Variants in PTPN20 observed in about 807,000 individuals in gnomAD.
PTPN20 encodes tyrosine-protein phosphatase non-receptor type 20.
Under a neutral mutation model 35.0 loss-of-function variants are expected in PTPN20, and 9 were observed. That is an observed-to-expected ratio of 0.26 (90% CI 0.15 to 0.45). The LOEUF (loss-of-function observed/expected upper bound fraction) is 0.45. PTPN20 is among the 20% of genes least tolerant of loss of function. The pLI, the probability that PTPN20 is intolerant of heterozygous loss-of-function variation, is 1.00. For missense variants in PTPN20, 111 were observed against 312.5 expected, an observed-to-expected ratio of 0.36 and a Z score of 4.86; for synonymous variants, 32 against 100.2, an observed-to-expected ratio of 0.32 and a Z score of 4.06.
intron 2 of PTPN20, among the ~76,000 whole-genome samples, chr10:46,938,311 C>T (rs1277918557): frequency 1.7e-5 from 2 of 116,208 alleles, no homozygotes; most frequent in Non-Finnish European, 3.4e-5. Context: ...TGAAGTTTAA[C>T]CTGATCCTGT....
chr10:46,996,814 G>GTA, intron 9 of PTPN20, among the ~76,000 whole-genome samples: 1 of 152,078 alleles, frequency 6.6e-6, no homozygotes, highest in Non-Finnish European at 1.5e-5. Flanking sequence ...TTCTGGTTCC[G>GTA]TATTCTGTTC....
At position 46,931,592 on chromosome 10, in the gene PTPN20, GC is replaced by G. The variant is rs1424742722; in HGVS notation, c.-123-781del. On this transcript the variant is annotated intron_variant, in intron 1 of 10. Coordinates refer to ENST00000374339, the MANE Select transcript of PTPN20 (RefSeq NM_001042357.5). ...TGTAGAGACAGGATTTCACCCAATT[GC>G]CCCAGCTGGTCTCAAACTCCTGAGC... is the stretch of plus-strand genomic sequence containing the variant. 2.8e-5 allele frequency among the ~76,000 whole-genome samples: 4 copies of G among 143,290 alleles called. 1 individual carries two copies. Among genetic ancestry groups the G allele is most frequent in the Non-Finnish European group, 5.9e-5 (4 of 67,336 alleles). 94.0% of individuals were successfully genotyped at this position (143,290 alleles called of 152,430 possible). A position where few individuals can be genotyped will look rare whatever the true frequency, so the allele number is the denominator to read the frequency against.
chr10:46,981,499 TGATGGCA>T (rs1304080038), intron 7 of PTPN20: 2 of 146,936 alleles, frequency 1.4e-5, no homozygotes, highest in Non-Finnish European at 3.0e-5. Context: ...GCCAGCTAGC[TGATGGCA>T]GGTTGATTAC....
chr10:46,980,038 T>A (rs2054868682), intron 7 of PTPN20, among the ~76,000 whole-genome samples: 1 of 150,344 alleles, frequency 6.7e-6, no homozygotes, highest in African/African-American at 2.4e-5. Context: ...TTTAGTCTTA[T>A]TTGTCTGTCA....
chr10:46,919,310 T>C (rs1307419964), intron 1 of PTPN20, among the ~76,000 whole-genome samples: 1 of 151,700 alleles, frequency 6.6e-6, no homozygotes, highest in African/African-American at 2.4e-5. Context: ...GATCTTAATC[T>C]ATCATCTTGC....
intron 9 of PTPN20, among the ~76,000 whole-genome samples, chr10:46,994,422 C>G (rs1448999679): frequency 2.7e-5 from 4 of 150,932 alleles, no homozygotes; most frequent in Middle Eastern, 3.5e-3. Context: ...TCCGCCGCCT[C>G]CCAGGTTCAC....
chr10:46,977,761 TCTTATATTTTATAACAACAAAG>T, intron 7 of PTPN20, among the ~76,000 whole-genome samples: 1 of 55,910 alleles, frequency 1.8e-5, no homozygotes, highest in East Asian at 5.1e-4. Flanking sequence ...TGAAAGAAAC[TCTTATATTTTATAACAACAAAG>T]CTGAGATTAT....
intron 7 of PTPN20, among the ~76,000 whole-genome samples, chr10:46,970,945 T>TTTG (rs2051986492): frequency 1.4e-5 from 1 of 73,794 alleles, no homozygotes. Flanking sequence ...TAAGTTTTTT[T>TTTG]TTTTTTTTTT....
intron 9 of PTPN20, among the ~76,000 whole-genome samples, chr10:46,994,375 C>T (rs1203571138): frequency 7.8e-6 from 1 of 128,052 alleles, no homozygotes; most frequent in African/African-American, 3.0e-5. Flanking sequence ...GTGGCCCAGG[C>T]GGGAGTGCAG....
At chr10:46,935,923 ATAAGTG>A (rs2041460781) in intron 2 of PTPN20, among the ~76,000 whole-genome samples, 1 of 151,448 alleles carries the variant, frequency 6.6e-6, no homozygotes, top group African/African-American at 2.4e-5. Context: ...TCAGCAGTGT[ATAAGTG>A]TTCCCTTTTC....
intron 9 of PTPN20, among the ~76,000 whole-genome samples, chr10:46,998,882 A>T (rs991789842): frequency 1.3e-5 from 2 of 152,112 alleles, no homozygotes; most frequent in Non-Finnish European, 2.9e-5. Context: ...AGACCTTAGG[A>T]GGCCAAGGCT....
chr10:47,001,263 T>G lies in PTPN20; in HGVS notation c.*522T>G. 1 of 160,494 alleles carries G rather than the reference T, an allele frequency of 6.2e-6. No homozygotes were observed. Among genetic ancestry groups the G allele is most frequent in the East Asian group, 1.9e-4 (1 of 5,394 alleles). 9.9% of individuals were successfully genotyped at this position (160,494 alleles called of 1,614,324 possible). A position where few individuals can be genotyped will look rare whatever the true frequency, so the allele number is the denominator to read the frequency against. On this transcript the variant is annotated 3_prime_UTR_variant, in exon 11 of 11. Coordinates refer to ENST00000374339, the MANE Select transcript of PTPN20 (RefSeq NM_001042357.5). ...TAACCCAGTTTAAAAAGAGTCCAGT[T>G]AGGGTGGACTAACTTTGGACACAAA...
intron 5 of PTPN20, among the ~76,000 whole-genome samples, chr10:46,957,262 G>A (rs1439473370): frequency 6.6e-6 from 1 of 151,568 alleles, no homozygotes; most frequent in African/African-American, 2.4e-5. Flanking sequence ...TCTCTGACTA[G>A]GACTTCCAAT....
chr10:46,920,526 C>T (rs2034767714), intron 1 of PTPN20, among the ~76,000 whole-genome samples: 1 of 150,274 alleles, frequency 6.7e-6, no homozygotes, highest in Non-Finnish European at 1.5e-5. Flanking sequence ...CAATTAAAGA[C>T]AACCCTCCAG....
chr10:46,995,342 T>TC (rs1199823908), intron 9 of PTPN20, among the ~76,000 whole-genome samples: 1 of 146,866 alleles, frequency 6.8e-6, no homozygotes, highest in Non-Finnish European at 1.5e-5. Context: ...TCTTTTTTTT[T>TC]TTTTTTTTTT....
intron 1 of PTPN20, among the ~76,000 whole-genome samples, chr10:46,919,030 T>G (rs1180462864): frequency 1.4e-5 from 2 of 144,134 alleles, no homozygotes; most frequent in Non-Finnish European, 3.0e-5. Context: ...ATGTATTATG[T>G]AATGCCCCTT....
intron 2 of PTPN20, among the ~76,000 whole-genome samples, chr10:46,934,905 TA>T (rs1375356973): frequency 3.5e-5 from 4 of 114,192 alleles, no homozygotes; most frequent in African/African-American, 3.8e-5. Context: ...ATGGGTTTTT[TA>T]AAAAAAAATT....
chr10:46,995,614 AG>A (rs2058964567), intron 9 of PTPN20, among the ~76,000 whole-genome samples: 1 of 152,112 alleles, frequency 6.6e-6, no homozygotes, highest in Non-Finnish European at 1.5e-5. Context: ...CAGAGTTTCC[AG>A]GGCTGGGGAT....
chr10:46,945,627 A>C (rs2044510520), intron 4 of PTPN20, among the ~76,000 whole-genome samples: 1 of 152,192 alleles, frequency 6.6e-6, no homozygotes, highest in Admixed American at 6.6e-5. Context: ...TTTTAGGAAG[A>C]ATTTTCTCTA....
Sources: gnomAD v4.1 joint callset for allele counts (sites outside exome capture counted in the v4.1 genomes callset) on GRCh38, gnomAD v4.1.1 for gene constraint, MANE v1.5 for transcripts, NCBI Gene and HGNC (gene_info 2026-07-23, HGNC 2026-07-21) for gene names.